The following MNAT1 variants were observed in gnomAD, a reference collection of about 807,000 sequenced individuals.
The protein encoded by MNAT1 is MNAT1 component of CDK activating kinase.
MNAT1 carries 43 observed loss-of-function variants against 42.0 expected under a neutral mutation model. The observed-to-expected ratio is 1.02, with a 90% confidence interval of 0.80 to 1.32. MNAT1 has a LOEUF of 1.32. Among genes scored for constraint, MNAT1 ranks in the 40% most tolerant of loss-of-function variants. The pLI, the probability that MNAT1 is intolerant of heterozygous loss-of-function variation, is 0.00. For missense variants in MNAT1, 306 were observed against 350.4 expected (o/e 0.87, Z 1.01); for synonymous variants, 118 against 120.0 (o/e 0.98, Z 0.11).
At chr14:60,877,590 A>G (rs2034462466) in intron 6 of MNAT1, among the ~76,000 whole-genome samples, 1 of 152,122 alleles carries the variant, frequency 6.6e-6, no homozygotes, top group Non-Finnish European at 1.5e-5. Flanking sequence ...GGAGGAATTA[A>G]TAACTGCAAG....
At chr14:60,786,357 G>A (rs1033118535) in intron 1 of MNAT1, among the ~76,000 whole-genome samples, 2 of 151,884 alleles carry the variant, frequency 1.3e-5, no homozygotes, top group African/African-American at 2.4e-5. Flanking sequence ...GGTAGTTTGG[G>A]GAACACTTAA....
At chr14:60,904,827 A>G (rs4151330) in intron 7 of MNAT1, among the ~76,000 whole-genome samples, 41,670 of 151,876 alleles carry the variant, frequency 0.27, 6,231 homozygotes, top group East Asian at 0.46. Context: ...AGCAGATTCA[A>G]TTTATTATTG....
At position 60,811,627 on chromosome 14, in the gene MNAT1, A is replaced by G. The variant is rs1171780677; in HGVS notation, c.421-360A>G. On this transcript the variant is annotated intron_variant, in intron 4 of 7. Coordinates refer to ENST00000261245, the MANE Select transcript of MNAT1 (RefSeq NM_002431.4). ...CTTATTTCTTATCTGGGTTATTTGA[A>G]TATACTTCTAACTAGTCCTCCTATT... Among the ~76,000 whole-genome samples, 4 of 151,984 alleles carry G rather than the reference A, an allele frequency of 2.6e-5. No individual in the cohort carries two copies. The East Asian group carries it at 7.7e-4, about 29-fold the overall frequency.
chr14:60,919,025 CTG>C (rs2035593973), intron 7 of MNAT1, among the ~76,000 whole-genome samples: 1 of 151,858 alleles, frequency 6.6e-6, no homozygotes, highest in Non-Finnish European at 1.5e-5. Context: ...CTATACACAG[CTG>C]ATATAGGGTT....
rs1450727024 is a variant in MNAT1, at chr14:60,931,166, C to T, written c.810-37063C>T. 2.0e-5 allele frequency among the ~76,000 whole-genome samples: 3 copies of T among 152,196 alleles called. 1 individual carries two copies. The highest frequency in any genetic ancestry group is 4.2e-4 in the South Asian group (2 of 4,816). On this transcript the variant is annotated intron_variant, in intron 7 of 7. Transcript: ENST00000261245. ...AGGACTTGGCCACTGACTTCAGGTG[C>T]AGGGTAAGGAATGAGTCTAGGAAAA... is the stretch of plus-strand genomic sequence containing the variant.
At chr14:60,868,981 A>G (rs1393328638) in intron 6 of MNAT1, among the ~76,000 whole-genome samples, 3 of 148,260 alleles carry the variant, frequency 2.0e-5, no homozygotes, top group Non-Finnish European at 3.0e-5. Flanking sequence ...TGTTCATACT[A>G]TTACATCACA....
At chr14:60,930,950 G>T (rs930281790) in intron 7 of MNAT1, among the ~76,000 whole-genome samples, 1 of 152,086 alleles carries the variant, frequency 6.6e-6, no homozygotes, top group African/African-American at 2.4e-5. Context: ...CTTAGTAATA[G>T]GTAGCTATGG....
intron 6 of MNAT1, among the ~76,000 whole-genome samples, chr14:60,834,304 A>G (rs1333687087): frequency 6.6e-6 from 1 of 151,692 alleles, no homozygotes; most frequent in Admixed American, 6.6e-5. Flanking sequence ...GTACTGCCAT[A>G]AATTTCCCTT....
At chr14:60,756,773 ACAAAATAGAGC>A (rs2030373403) in intron 1 of MNAT1, among the ~76,000 whole-genome samples, 1 of 152,178 alleles carries the variant, frequency 6.6e-6, no homozygotes, top group African/African-American at 2.4e-5. Flanking sequence ...AATGTGTTTT[ACAAAATAGAGC>A]CATGTCTATT....
rs769982604 is a variant in MNAT1, at chr14:60,812,087, T to C, written c.521T>C (p.Ile174Thr). The C allele has an allele frequency of 3.2e-5, 51 of 1,592,514 alleles. No individual in the cohort carries two copies. Among genetic ancestry groups the C allele is most frequent in the Non-Finnish European group, 1.1e-5 (13 of 1,172,120 alleles). ...FIQKEEQLQQ[I>T]LKRKNKQAFL... ...CAAAAAGAAGAACAACTGCAGCAGATTCTAAAAAGGAAGAATAAGCAGGCT... is the reference window on the plus strand; with the variant it reads ...CAAAAAGAAGAACAACTGCAGCAGACTCTAAAAAGGAAGAATAAGCAGGCT... Residue 174 changes from isoleucine to threonine, a missense_variant, in exon 5 of 8, where the codon ATT becomes ACT. Physicochemically the swap from Ile to Thr is moderately conservative, Grantham distance 89 (BLOSUM62 -1). This residue lies in a region of MNAT1 where 118 missense variants were observed against 99.8 expected (regional missense o/e 1.18). Coordinates refer to ENST00000261245, the MANE Select transcript of MNAT1 (RefSeq NM_002431.4).
intron 1 of MNAT1, among the ~76,000 whole-genome samples, chr14:60,750,138 G>C (rs1169599899): frequency 6.6e-6 from 1 of 152,094 alleles, no homozygotes; most frequent in African/African-American, 2.4e-5. Flanking sequence ...AAACAACAGT[G>C]AATGTGGCAG....
At chr14:60,812,748 C>T (rs1200442065) in intron 5 of MNAT1, among the ~76,000 whole-genome samples, 2 of 152,174 alleles carry the variant, frequency 1.3e-5, no homozygotes, top group African/African-American at 4.8e-5. Flanking sequence ...TATAAAGACC[C>T]CAGACTCAGT....
In MNAT1 at chr14:60,808,400, A is replaced by G. The variant is rs781480625; in HGVS notation, c.392A>G (p.Asp131Gly). 2 of 1,570,368 alleles carry G rather than the reference A, an allele frequency of 1.3e-6. No homozygotes were observed. Among genetic ancestry groups the G allele is most frequent in the Non-Finnish European group, 1.7e-6 (2 of 1,160,204 alleles). The change falls in exon 4 of 8, where the codon GAT becomes GGT. Residue 131 changes from aspartate to glycine, a missense_variant. Asp to Gly is a moderately conservative substitution (Grantham distance 94). Transcript: ENST00000261245. ...KMEIYQKENK[D>G]VIQKNKLKLT... is the part of the protein sequence containing the mutation. ...GAGATATACCAAAAGGAAAACAAAG[A>G]TGTTATTCAGAAAAATAAATTAAAG... is the stretch of plus-strand genomic sequence containing the variant.
intron 1 of MNAT1, among the ~76,000 whole-genome samples, chr14:60,776,281 A>T (rs573898451): frequency 3.9e-5 from 6 of 152,290 alleles, no homozygotes; most frequent in African/African-American, 1.4e-4. Context: ...AATGCAAGTC[A>T]TCTGAAAGGA....
chr14:60,864,743 A>T (rs1049064306), intron 6 of MNAT1, among the ~76,000 whole-genome samples: 1 of 151,912 alleles, frequency 6.6e-6, no homozygotes, highest in Non-Finnish European at 1.5e-5. Context: ...TTTAGAGTAG[A>T]TTTAATTGCA....
chr14:60,870,018 ACTTT>A lies in MNAT1; in HGVS notation c.688-9693_688-9690del, dbSNP rs547251090. On this transcript the variant is annotated intron_variant, in intron 6 of 7. Transcript: ENST00000261245. ...AACAATTTTTTGTAGTAGCTTTTAA[ACTTT>A]CTAAGAAAAGTTAAATAATACATTT... is the stretch of plus-strand genomic sequence containing the variant. Among the ~76,000 whole-genome samples the A allele has an allele frequency of 5.9e-5, 9 of 152,282 alleles. No homozygotes were observed. In the South Asian group the frequency reaches 1.7e-3, roughly 28 times the overall value.
At chr14:60,761,210 G>C (rs1312755403) in intron 1 of MNAT1, among the ~76,000 whole-genome samples, 2 of 152,132 alleles carry the variant, frequency 1.3e-5, no homozygotes, top group Non-Finnish European at 2.9e-5. Flanking sequence ...TTAAGTTAGG[G>C]TTGGAAGGGT....
chr14:60,934,597 T>C (rs973770518), intron 7 of MNAT1, among the ~76,000 whole-genome samples: 2 of 152,318 alleles, frequency 1.3e-5, no homozygotes, highest in African/African-American at 4.8e-5. Context: ...TCTGCCGCCA[T>C]GTGAGACATG....
intron 7 of MNAT1, among the ~76,000 whole-genome samples, chr14:60,930,137 A>G (rs1470472334): frequency 6.6e-6 from 1 of 151,366 alleles, no homozygotes; most frequent in Non-Finnish European, 1.5e-5. Flanking sequence ...TCATCAGTCA[A>G]TTCCAGAGTA....
Sources: gnomAD v4.1 joint callset for allele counts (sites outside exome capture counted in the v4.1 genomes callset) on GRCh38, gnomAD v4.1.1 for gene constraint, gnomAD v4.1.1 regional missense constraint, MANE v1.5 for transcripts, NCBI Gene and HGNC (gene_info 2026-07-23, HGNC 2026-07-21) for gene names.